FHOD3: variants seen among roughly 807,000 people sequenced by gnomAD.
FHOD3 encodes the protein FH1/FH2 domain-containing protein 3.
FHOD3 carries 90 observed loss-of-function variants against 173.0 expected under a neutral mutation model. The observed-to-expected ratio is 0.52, with a 90% CI of 0.44 to 0.62. FHOD3 has a LOEUF of 0.62. FHOD3 is among the 20% of genes least tolerant of loss of function. FHOD3 has a pLI of 0.00. For missense variants in FHOD3, 1,945 were observed against 2,034.7 expected (o/e 0.96, Z 0.85); for synonymous variants, 828 against 823.0 (o/e 1.01, Z -0.10).
chr18:36,490,046 C>T (rs2054388524), intron 3 of FHOD3, among the ~76,000 whole-genome samples: 1 of 152,168 alleles, frequency 6.6e-6, no homozygotes, highest in South Asian at 2.1e-4. Flanking sequence ...GGTCAGCAGC[C>T]TTTTTAGAGG....
intron 3 of FHOD3, among the ~76,000 whole-genome samples, chr18:36,444,192 CAA>C (rs71168225): frequency 3.4e-5 from 3 of 88,078 alleles, no homozygotes; most frequent in Admixed American, 1.3e-4. Context: ...GACTCCGTCT[CAA>C]AAAAAAAAAA....
At chr18:36,608,449 G>T (rs985477866) in intron 8 of FHOD3, among the ~76,000 whole-genome samples, 2 of 152,274 alleles carry the variant, frequency 1.3e-5, no homozygotes, top group South Asian at 4.2e-4. Context: ...CTGCTTAAAG[G>T]TTCTCCCTTC....
At chr18:36,336,183 C>A (rs1262795921) in intron 1 of FHOD3, among the ~76,000 whole-genome samples, 1 of 152,062 alleles carries the variant, frequency 6.6e-6, no homozygotes, top group Non-Finnish European at 1.5e-5. Flanking sequence ...ATGTGTGCAC[C>A]TCTATGAGGA....
intron 5 of FHOD3, among the ~76,000 whole-genome samples, chr18:36,518,283 A>ACACT (rs2056098221): frequency 6.6e-6 from 1 of 152,122 alleles, no homozygotes; most frequent in South Asian, 2.1e-4. Flanking sequence ...CAACCTCATG[A>ACACT]CACTGGTCCT....
At chr18:36,566,777 G>T (rs2058279555) in intron 5 of FHOD3, among the ~76,000 whole-genome samples, 1 of 152,130 alleles carries the variant, frequency 6.6e-6, no homozygotes. Context: ...ACAATTAAGG[G>T]AATTGGGTGA....
At chr18:36,442,831 T>C (rs140402567) in intron 3 of FHOD3, among the ~76,000 whole-genome samples, 3 of 152,348 alleles carry the variant, frequency 2.0e-5, no homozygotes, top group Non-Finnish European at 2.9e-5. Context: ...TCCAGTTCAG[T>C]ATCCAATCCA....
chr18:36,553,246 T>C (rs1026058752), intron 5 of FHOD3, among the ~76,000 whole-genome samples: 2 of 152,244 alleles, frequency 1.3e-5, no homozygotes, highest in South Asian at 2.1e-4. Flanking sequence ...GATTTTAGCA[T>C]TGATGTTCAT....
At chr18:36,447,399 C>T (rs2051549162) in intron 3 of FHOD3, among the ~76,000 whole-genome samples, 1 of 152,128 alleles carries the variant, frequency 6.6e-6, no homozygotes, top group South Asian at 2.1e-4. Context: ...TGTGATTGGG[C>T]CCTGGCATGT....
chr18:36,373,673 A>G (rs187676109), intron 3 of FHOD3, among the ~76,000 whole-genome samples: 160 of 152,364 alleles, frequency 1.1e-3, no homozygotes, highest in African/African-American at 3.8e-3. Flanking sequence ...CTCAAACTTC[A>G]GGGACTGAAA....
chr18:36,375,357 C>T lies in FHOD3; in HGVS notation c.337+2613C>T, dbSNP rs550735733. Among the ~76,000 whole-genome samples, 5 of 152,346 alleles carry T rather than the reference C, an allele frequency of 3.3e-5. No homozygotes were observed. In the South Asian group the frequency reaches 1.0e-3, roughly 32 times the overall value. On this transcript the variant is annotated intron_variant, in intron 3 of 28. Transcript: ENST00000590592. ...ATATTAATGCTACAGGCTTGGGGCACAGTGGCTGCTGTCTCAGCCTCGCAC... is the reference window on the plus strand; with the variant it reads ...ATATTAATGCTACAGGCTTGGGGCATAGTGGCTGCTGTCTCAGCCTCGCAC...
At chr18:36,698,515 A>G (rs2039408912) in intron 17 of FHOD3, among the ~76,000 whole-genome samples, 2 of 152,204 alleles carry the variant, frequency 1.3e-5, no homozygotes, top group Admixed American at 6.5e-5. Context: ...GCTTGAACCC[A>G]GGAGTTCAAG....
chr18:36,426,342 A>G (rs1018316530), intron 3 of FHOD3, among the ~76,000 whole-genome samples: 10 of 152,166 alleles, frequency 6.6e-5, no homozygotes, highest in Non-Finnish European at 1.3e-4. Flanking sequence ...TAATTGGTGA[A>G]CCTGGGACTG....
At chr18:36,506,601 G>A (rs1239251639) in intron 4 of FHOD3, among the ~76,000 whole-genome samples, 1 of 152,222 alleles carries the variant, frequency 6.6e-6, no homozygotes, top group East Asian at 1.9e-4. Context: ...AGAGGCCCCA[G>A]TTGTTCATTC....
At chr18:36,694,351 G>T (rs915968675) in intron 17 of FHOD3, among the ~76,000 whole-genome samples, 4 of 152,178 alleles carry the variant, frequency 2.6e-5, no homozygotes, top group South Asian at 2.1e-4. Context: ...GAACGATATT[G>T]TCTGTCCAAT....
At chr18:36,448,866 G>C (rs1010203203) in intron 3 of FHOD3, among the ~76,000 whole-genome samples, 1 of 151,932 alleles carries the variant, frequency 6.6e-6, no homozygotes, top group Non-Finnish European at 1.5e-5. Context: ...CTCCTCTGGG[G>C]ACTTCTCTCC....
intron 3 of FHOD3, among the ~76,000 whole-genome samples, chr18:36,395,069 C>A (rs1184661349): frequency 6.6e-6 from 1 of 152,102 alleles, no homozygotes; most frequent in African/African-American, 2.4e-5. Flanking sequence ...CCCATATTTA[C>A]CCACTTAAAT....
chr18:36,365,055 C>T (rs2046829829), intron 2 of FHOD3, among the ~76,000 whole-genome samples: 1 of 152,104 alleles, frequency 6.6e-6, no homozygotes, highest in African/African-American at 2.4e-5. Context: ...AGAGAATGAG[C>T]TAATCAAGAT....
intron 26 of FHOD3, 129 bp from the exon 27 acceptor site, chr18:36,760,479 C>T (rs2042821809): frequency 3.8e-6 from 3 of 797,692 alleles, no homozygotes; most frequent in Admixed American, 3.1e-5. Context: ...CAGTGACTGC[C>T]GTAATGAATG....
At chr18:36,328,162 G>A (rs549245665) in intron 1 of FHOD3, among the ~76,000 whole-genome samples, 5 of 152,168 alleles carry the variant, frequency 3.3e-5, no homozygotes, top group African/African-American at 9.7e-5. Context: ...GTTCCTGACC[G>A]CATGGACCTG....
Sources: gnomAD v4.1 joint callset for allele counts (sites outside exome capture counted in the v4.1 genomes callset) on GRCh38, gnomAD v4.1.1 for gene constraint, MANE v1.5 for transcripts, NCBI Gene and HGNC (gene_info 2026-07-23, HGNC 2026-07-21) for gene names.